The following AP1G1 variants were observed in gnomAD, a reference collection of about 807,000 sequenced individuals.
AP1G1 encodes the protein adaptor related protein complex 1 subunit gamma 1, also known as AP-1 complex subunit gamma-1.
AP1G1 carries 7 observed loss-of-function variants against 108.3 expected under a neutral mutation model. The observed-to-expected ratio is 0.06, with a 90% CI of 0.04 to 0.12. The LOEUF (loss-of-function observed/expected upper bound fraction) is 0.12. Ranked by LOEUF, AP1G1 falls within the 10% of genes least tolerant of loss-of-function variation. AP1G1 has a pLI of 1.00. For missense variants in AP1G1, 756 were observed against 1,010.7 expected, an observed-to-expected ratio of 0.75 and a Z score of 3.42; for synonymous variants, 379 against 353.5, an observed-to-expected ratio of 1.07 and a Z score of -0.81.
chr16:71,795,490 A>G (rs560099359), intron 1 of AP1G1, among the ~76,000 whole-genome samples: 2 of 152,304 alleles, frequency 1.3e-5, no homozygotes, highest in African/African-American at 4.8e-5. Flanking sequence ...GTAAGTTAAC[A>G]TCAGGCAAAA....
At chr16:71,771,779 A>T (rs1320859867) in intron 4 of AP1G1, among the ~76,000 whole-genome samples, 1 of 152,242 alleles carries the variant, frequency 6.6e-6, no homozygotes, top group African/African-American at 2.4e-5. Flanking sequence ...ACCTCTGAGT[A>T]AGATGACTAA....
chr16:71,759,526 C>T (rs1352704886), intron 10 of AP1G1, among the ~76,000 whole-genome samples: 1 of 150,314 alleles, frequency 6.7e-6, no homozygotes, highest in African/African-American at 2.5e-5. Context: ...TTTGGGAGGC[C>T]CAGGTGGGCG....
intron 10 of AP1G1, 149 bp downstream of exon 10, chr16:71,761,363 A>C (rs1340176929): frequency 4.5e-6 from 3 of 672,410 alleles, no homozygotes; most frequent in African/African-American, 1.9e-5. Context: ...TTCTTCACAA[A>C]ACAGTGTTTT....
rs1457708195 is a variant in AP1G1, at chr16:71,729,662, T to C, written c.*3396A>G. On this transcript the variant is annotated 3_prime_UTR_variant, in exon 23 of 23. Coordinates refer to ENST00000299980, the MANE Select transcript of AP1G1 (RefSeq NM_001128.6). ...CTCCCGAGCCAAAGCTGGTCAAAAGTGTTTTAAACTTCAGGACTTTCTGTG... is the reference window on the plus strand; with the variant it reads ...CTCCCGAGCCAAAGCTGGTCAAAAGCGTTTTAAACTTCAGGACTTTCTGTG... The C allele has an allele frequency of 1.3e-5, 2 of 152,598 alleles. No homozygotes were observed. The highest frequency in any genetic ancestry group is 2.4e-5 in the African/African-American group (1 of 41,426). 9.5% of individuals were successfully genotyped at this position (152,598 alleles called of 1,614,324 possible).
intron 21 of AP1G1, among the ~76,000 whole-genome samples, chr16:71,736,026 G>C (rs1414270087): frequency 6.9e-6 from 1 of 144,764 alleles, no homozygotes; most frequent in Non-Finnish European, 1.5e-5. Context: ...AGCTACTCAG[G>C]AGGCTGAGGC....
intron 13 of AP1G1, chr16:71,751,350 T>A (rs2030492240): frequency 6.6e-6 from 1 of 150,572 alleles, no homozygotes. Context: ...AATAATAATG[T>A]AAAGGTTTAA....
intron 19 of AP1G1, chr16:71,743,522 G>C (rs994053437): frequency 1.3e-5 from 2 of 151,142 alleles, no homozygotes; most frequent in African/African-American, 4.9e-5. Context: ...AGGCTCACTT[G>C]AACGCAGGAG....
intron 1 of AP1G1, among the ~76,000 whole-genome samples, chr16:71,797,089 C>T (rs1394643443): frequency 6.6e-6 from 1 of 151,088 alleles, no homozygotes; most frequent in Non-Finnish European, 1.5e-5. Context: ...AAACAATGAT[C>T]GCTAAACAAG....
At chr16:71,777,202 C>A (rs1163196794) in intron 2 of AP1G1, among the ~76,000 whole-genome samples, 2 of 145,476 alleles carry the variant, frequency 1.4e-5, no homozygotes, top group Non-Finnish European at 3.0e-5. Context: ...CACCCCCAGT[C>A]TGGCGCTGTC....
chr16:71,760,723 T>C (rs2031045351), intron 10 of AP1G1, among the ~76,000 whole-genome samples: 1 of 152,002 alleles, frequency 6.6e-6, no homozygotes, highest in Non-Finnish European at 1.5e-5. Context: ...CATTTTTGTA[T>C]TTTTCTGTAG....
chr16:71,770,403 C>T (rs1295842708), intron 5 of AP1G1, among the ~76,000 whole-genome samples: 1 of 152,230 alleles, frequency 6.6e-6, no homozygotes, highest in East Asian at 1.9e-4. Context: ...CAGTCACATT[C>T]CATTTAATTC....
At chr16:71,799,659 G>C (rs541940861) in intron 1 of AP1G1, among the ~76,000 whole-genome samples, 8 of 152,078 alleles carry the variant, frequency 5.3e-5, no homozygotes, top group South Asian at 2.1e-4. Flanking sequence ...CCAGCACTTT[G>C]GGAGGCCAAG....
At position 71,739,226 on chromosome 16, in the gene AP1G1, C is replaced by T; in HGVS notation, c.2107+8G>A. Reference sequence around the variant, plus strand: ...TCCATGTAATGATGGTAACAACAGTCATCGTACCTGCAGCAATATCATTGA... The same window carrying T: ...TCCATGTAATGATGGTAACAACAGTTATCGTACCTGCAGCAATATCATTGA... On this transcript the variant is annotated splice_region_variant and intron_variant, in intron 20 of 22. Transcript: ENST00000299980. 1 of 1,612,006 alleles carries T rather than the reference C, an allele frequency of 6.2e-7. No individual in the cohort carries two copies. The highest frequency in any genetic ancestry group is 1.1e-5 in the South Asian group (1 of 90,894).
At chr16:71,766,901 C>G (rs1291750354) in intron 6 of AP1G1, among the ~76,000 whole-genome samples, 1 of 152,116 alleles carries the variant, frequency 6.6e-6, no homozygotes. Context: ...CAAATCTAAG[C>G]CATGGAGATC....
At chr16:71,734,080 A>G (rs751896926) in intron 22 of AP1G1, among the ~76,000 whole-genome samples, 6 of 152,252 alleles carry the variant, frequency 3.9e-5, no homozygotes, top group Non-Finnish European at 8.8e-5. Context: ...ATGAGCAACT[A>G]GTAGAGCTCT....
chr16:71,793,083 G>C (rs1030290995), intron 1 of AP1G1, among the ~76,000 whole-genome samples: 1 of 151,606 alleles, frequency 6.6e-6, no homozygotes, highest in Non-Finnish European at 1.5e-5. Context: ...GTGGGAGGAT[G>C]ACCTGAGCCT....
intron 1 of AP1G1, chr16:71,808,209 T>C: frequency 4.0e-6 from 1 of 250,984 alleles, no homozygotes; most frequent in Non-Finnish European, 6.0e-6. Flanking sequence ...AACAACAACA[T>C]ATACACACAC....
At chr16:71,751,144 G>C (rs1313156651) in intron 13 of AP1G1, 2 of 136,670 alleles carry the variant, frequency 1.5e-5, no homozygotes, top group Non-Finnish European at 3.1e-5. Flanking sequence ...AACAGACTGA[G>C]ACTCCGTCTC....
At chr16:71,770,975 A>T (rs1457867142) in intron 5 of AP1G1, among the ~76,000 whole-genome samples, 181 bp downstream of exon 5, 1 of 152,220 alleles carries the variant, frequency 6.6e-6, no homozygotes, top group Non-Finnish European at 1.5e-5. Flanking sequence ...CAATCTCTTA[A>T]TATAAAACTA....
Sources: gnomAD v4.1 joint callset for allele counts (sites outside exome capture counted in the v4.1 genomes callset) on GRCh38, gnomAD v4.1.1 for gene constraint, MANE v1.5 for transcripts, NCBI Gene and HGNC (gene_info 2026-07-23, HGNC 2026-07-21) for gene names.